Variants in ERC2 observed in about 807,000 individuals in gnomAD.
ERC2 encodes ERC protein 2.
In ERC2, 42 loss-of-function variants were observed where a neutral mutation model predicts 114.8. That is an observed-to-expected ratio of 0.37 (90% confidence interval 0.29 to 0.47). The LOEUF is 0.47. Among genes scored for constraint, ERC2 ranks in the 20% least tolerant of loss-of-function variants. The pLI is 0.99. For missense variants in ERC2, 939 were observed against 1,150.7 expected (o/e 0.82, Z 2.66); for synonymous variants, 454 against 425.5 (o/e 1.07, Z -0.82).
chr3:55,867,849 C>A (rs1365169098), intron 14 of ERC2, among the ~76,000 whole-genome samples: 3 of 152,024 alleles, frequency 2.0e-5, no homozygotes, highest in African/African-American at 7.2e-5. Flanking sequence ...ACTTTTATAG[C>A]TATAAAGTTT....
chr3:55,551,173 TATACACACATAC>T (rs1240589041), intron 17 of ERC2, among the ~76,000 whole-genome samples: 1 of 152,000 alleles, frequency 6.6e-6, no homozygotes, highest in African/African-American at 2.4e-5. Flanking sequence ...CACATGAATA[TATACACACATAC>T]ATACACACAC....
At chr3:56,462,923 G>C (rs1026673179) in intron 1 of ERC2, among the ~76,000 whole-genome samples, 16 of 152,086 alleles carry the variant, frequency 1.1e-4, no homozygotes, top group African/African-American at 3.9e-4. Context: ...CTCCAGCTTT[G>C]CCATTTGTAA....
chr3:56,218,104 A>G (rs1436078088), intron 3 of ERC2, among the ~76,000 whole-genome samples: 2 of 152,282 alleles, frequency 1.3e-5, no homozygotes, highest in Non-Finnish European at 2.9e-5. Flanking sequence ...CTAAAACATC[A>G]AAAGCAATGG....
At chr3:56,119,035 G>A (rs748978775) in intron 6 of ERC2, among the ~76,000 whole-genome samples, 1 of 152,172 alleles carries the variant, frequency 6.6e-6, no homozygotes, top group Non-Finnish European at 1.5e-5. Context: ...CTTTTGCAAC[G>A]AATTAACTCT....
chr3:56,340,537 A>AATGTGTGT (rs1437422621), intron 2 of ERC2, among the ~76,000 whole-genome samples: 30 of 74,238 alleles, frequency 4.0e-4, no homozygotes, highest in African/African-American at 1.3e-3. Flanking sequence ...AGAGAGAGAG[A>AATGTGTGT]GTGAATGTGT....
chr3:56,185,284 C>T (rs1169944112), intron 3 of ERC2: 1 of 152,166 alleles, frequency 6.6e-6, no homozygotes, highest in Non-Finnish European at 1.5e-5. Context: ...CATGGATTTC[C>T]CAGCTGGATT....
rs112330508 is a variant in ERC2 at position 56,229,682 on chromosome 3, T to A, written c.1075-56162A>T. Among the ~76,000 whole-genome samples the A allele has an allele frequency of 6.3e-3, 959 of 152,214 alleles. 13 individuals are homozygous for A. The highest frequency in any genetic ancestry group is 0.022 in the African/African-American group (919 of 41,528). ...TCTTATTATGAGGCTTATTAATTACTTAAGCAGAAGACATGATGTGGATTG... is the reference window on the plus strand; with the variant it reads ...TCTTATTATGAGGCTTATTAATTACATAAGCAGAAGACATGATGTGGATTG... On this transcript the variant is annotated intron_variant, in intron 3 of 17. Transcript: ENST00000288221.
At chr3:56,384,718 C>T (rs542399903) in intron 2 of ERC2, among the ~76,000 whole-genome samples, 1 of 152,242 alleles carries the variant, frequency 6.6e-6, no homozygotes, top group Admixed American at 6.5e-5. Flanking sequence ...TTCAATTTAA[C>T]TATTTTTTCT....
At chr3:56,122,830 C>G (rs757785821) in intron 6 of ERC2, among the ~76,000 whole-genome samples, 2 of 152,186 alleles carry the variant, frequency 1.3e-5, no homozygotes, top group Admixed American at 6.5e-5. Context: ...CAACACCCTC[C>G]TGTCTCTCCA....
chr3:56,412,628 C>T (rs1456198907), intron 2 of ERC2, among the ~76,000 whole-genome samples: 3 of 152,118 alleles, frequency 2.0e-5, no homozygotes, highest in Non-Finnish European at 2.9e-5. Context: ...TGTTCACAGA[C>T]GGGCACTTTA....
intron 2 of ERC2, among the ~76,000 whole-genome samples, chr3:56,355,557 C>T (rs559444973): frequency 2.2e-3 from 336 of 152,248 alleles, no homozygotes; most frequent in Non-Finnish European, 3.0e-3. Flanking sequence ...AGCGATCCTC[C>T]TGTCTCAGCC....
intron 2 of ERC2, among the ~76,000 whole-genome samples, chr3:56,380,150 C>A (rs144625274): frequency 1.3e-5 from 2 of 152,140 alleles, no homozygotes; most frequent in South Asian, 2.1e-4. Context: ...TGTTGAAAAC[C>A]CTCAATCTGA....
intron 4 of ERC2, among the ~76,000 whole-genome samples, chr3:56,150,808 A>G (rs1229726493): frequency 6.6e-6 from 1 of 152,104 alleles, no homozygotes; most frequent in East Asian, 1.9e-4. Flanking sequence ...TGAGTTCCCC[A>G]GAAATATATA....
At chr3:56,140,496 C>A (rs895480108) in intron 5 of ERC2, among the ~76,000 whole-genome samples, 15 of 152,092 alleles carry the variant, frequency 9.9e-5, no homozygotes, top group Non-Finnish European at 4.4e-5. Context: ...CAATGTTGTA[C>A]ATAGAGTTCA....
intron 3 of ERC2, among the ~76,000 whole-genome samples, chr3:56,282,081 C>G (rs2150323673): frequency 6.6e-6 from 1 of 152,272 alleles, no homozygotes; most frequent in East Asian, 1.9e-4. Flanking sequence ...GGTCATGTCA[C>G]TTGAGACCAA....
At chr3:55,831,354 G>C (rs1433919710) in intron 14 of ERC2, among the ~76,000 whole-genome samples, 1 of 98,890 alleles carries the variant, frequency 1.0e-5, no homozygotes, top group East Asian at 4.2e-4. Flanking sequence ...GAGGGGAGGG[G>C]AGAGAAGGGG....
rs367803943 is a variant in ERC2, at chr3:55,612,456, TA to T, written c.*39+71337del. ...ATTCCCAGCATCAAGAAAAGGATTT[TA>T]ATGGTGTGTGGACTCCTGGTTCAGG... On this transcript the variant is annotated intron_variant, in intron 17 of 17. Coordinates refer to ENST00000288221, the MANE Select transcript of ERC2 (RefSeq NM_015576.3). Among the ~76,000 whole-genome samples, 26 of 152,320 alleles carry T rather than the reference TA, an allele frequency of 1.7e-4. No individual in the cohort carries two copies. The East Asian group carries it at 2.5e-3, about 15-fold the overall frequency.
At chr3:56,121,310 A>G (rs1476723590) in intron 6 of ERC2, among the ~76,000 whole-genome samples, 7 of 152,214 alleles carry the variant, frequency 4.6e-5, no homozygotes, top group Non-Finnish European at 7.3e-5. Context: ...AACTATTTGC[A>G]TTAACTCGTA....
intron 14 of ERC2, among the ~76,000 whole-genome samples, chr3:55,790,010 A>G (rs529392019): frequency 2.0e-5 from 3 of 152,280 alleles, no homozygotes; most frequent in African/African-American, 2.4e-5. Flanking sequence ...CCTGTCTCCA[A>G]CTGTCAGTCC....
Sources: allele counts gnomAD v4.1 joint callset (sites outside exome capture counted in the v4.1 genomes callset), GRCh38; gene constraint gnomAD v4.1.1; transcripts MANE v1.5; gene names NCBI Gene and HGNC (gene_info 2026-07-23, HGNC 2026-07-21).